The following LMNA variants were observed in gnomAD, a reference collection of about 807,000 sequenced individuals.
LMNA encodes the protein lamin A/C.
In LMNA, 20 loss-of-function variants were observed where a neutral mutation model predicts 70.4. The ratio of observed to expected loss-of-function variants is 0.28; its 90% confidence interval spans 0.20 to 0.41. LMNA has a LOEUF of 0.41. Ranked by LOEUF, LMNA falls within the 10% of genes least tolerant of loss-of-function variation. The pLI, the probability that LMNA is intolerant of heterozygous loss-of-function variation, is 1.00. For missense variants in LMNA, 652 were observed against 917.2 expected (o/e 0.71, Z 3.73); for synonymous variants, 339 against 372.8 (o/e 0.91, Z 1.04).
rs1651773292 is a variant in LMNA at position 156,137,609 on chromosome 1, C to T, written c.1609-45C>T. Reference sequence around the variant, plus strand: ...ACTGGGGTAGACATGCTGTACAACCCTTCCCTGGCCCTGACCCTTGGACCT... The same window carrying T: ...ACTGGGGTAGACATGCTGTACAACCTTTCCCTGGCCCTGACCCTTGGACCT... On this transcript the variant is annotated intron_variant, in intron 9 of 11. Coordinates refer to ENST00000368300, the MANE Select transcript of LMNA (RefSeq NM_170707.4). The surrounding 1 kb of genome is among the most constrained non-coding windows in gnomAD (Gnocchi z 4.6). The T allele has an allele frequency of 1.3e-6, 2 of 1,523,650 alleles. No individual in the cohort carries two copies. The highest frequency in any genetic ancestry group is 1.8e-6 in the Non-Finnish European group (2 of 1,122,734). 94.4% of individuals were successfully genotyped at this position (1,523,650 alleles called of 1,614,324 possible).
chr1:156,108,029 A>G (rs1173984231), intron 3 of LMNA, among the ~76,000 whole-genome samples: 3 of 152,022 alleles, frequency 2.0e-5, no homozygotes, highest in African/African-American at 7.2e-5. Context: ...AGCCTCCCAA[A>G]ATGCTGAGAT....
At chr1:156,119,398 G>A (rs1022296519) in intron 1 of LMNA, among the ~76,000 whole-genome samples, 13 of 152,152 alleles carry the variant, frequency 8.5e-5, no homozygotes, top group Non-Finnish European at 1.6e-4. Flanking sequence ...TTACAGGTGT[G>A]AGCCACCGTA....
rs1651374414 is a variant in LMNA at position 156,134,650 on chromosome 1, G to A, written c.639+122G>A. ...CTGAGTCCCTTGCCCTAGTGGACAG[G>A]GAGTTGGGGGTGGCCAGCACTCAGC... is the stretch of plus-strand genomic sequence containing the variant. On this transcript the variant is annotated intron_variant, in intron 3 of 11. Transcript: ENST00000368300. This position sits in a 1 kb window ranked among gnomAD's most constrained non-coding sequence, Gnocchi z 5.3. 2.6e-6 allele frequency: 4 copies of A among 1,544,600 alleles called. No individual in the cohort carries two copies. In the South Asian group the frequency reaches 4.5e-5, roughly 17 times the overall value.
At chr1:156,124,157 C>T (rs944321048) in intron 1 of LMNA, among the ~76,000 whole-genome samples, 4 of 152,202 alleles carry the variant, frequency 2.6e-5, no homozygotes, top group African/African-American at 4.8e-5. Context: ...GTGAGGGAGT[C>T]GGGGTGTTTC....
chr1:156,084,328 C>CGGGGGGGGGGG (rs60777722), intron 2 of LMNA, among the ~76,000 whole-genome samples: 6 of 91,012 alleles, frequency 6.6e-5, no homozygotes, highest in African/African-American at 1.1e-4. Context: ...CTCAGAAGGT[C>CGGGGGGGGGGG]GGGGGGTGGT....
At chr1:156,122,104 C>CA (rs991526081) in intron 1 of LMNA, among the ~76,000 whole-genome samples, 1 of 151,864 alleles carries the variant, frequency 6.6e-6, no homozygotes, top group Non-Finnish European at 1.5e-5. Context: ...GATTCCGTCT[C>CA]AAAAAAATAA....
At chr1:156,087,531 G>A (rs1193249750) in intron 2 of LMNA, among the ~76,000 whole-genome samples, 2 of 148,614 alleles carry the variant, frequency 1.3e-5, no homozygotes, top group African/African-American at 5.0e-5. Flanking sequence ...GTGAGCCATC[G>A]CGCCCGGCTC....
intron 2 of LMNA, among the ~76,000 whole-genome samples, chr1:156,133,440 C>A (rs908939965): frequency 2.0e-5 from 3 of 151,662 alleles, no homozygotes; most frequent in Non-Finnish European, 4.4e-5. Flanking sequence ...GTGTGGTGGC[C>A]CATGTCTGTA....
At chr1:156,106,474 G>T (rs1490772997) in intron 3 of LMNA, among the ~76,000 whole-genome samples, 9 of 152,208 alleles carry the variant, frequency 5.9e-5, no homozygotes, top group Admixed American at 5.9e-4. Context: ...CCGCCCACAC[G>T]CAGTCGCCTG....
intron 1 of LMNA, among the ~76,000 whole-genome samples, chr1:156,116,594 TG>T (rs1649842292): frequency 6.6e-6 from 1 of 152,190 alleles, no homozygotes; most frequent in African/African-American, 2.4e-5. Context: ...TTGCTAGGTG[TG>T]GTTTTGTTGC....
chr1:156,137,318 G>A lies in LMNA; in HGVS notation c.1608+86G>A. The A allele has an allele frequency of 6.6e-7, 1 of 1,507,986 alleles. No homozygotes were observed. Among genetic ancestry groups the A allele is most frequent in the Non-Finnish European group, 8.9e-7 (1 of 1,122,340 alleles). 93.4% of individuals were successfully genotyped at this position (1,507,986 alleles called of 1,614,324 possible). ...AGCCAGCTGCCCCCAACCCAAGTTTGCCAATTCAGGGCCCCTTTCTAGAGC... is the reference window on the plus strand; with the variant it reads ...AGCCAGCTGCCCCCAACCCAAGTTTACCAATTCAGGGCCCCTTTCTAGAGC... On this transcript the variant is annotated intron_variant, in intron 9 of 11. Coordinates refer to ENST00000368300, the MANE Select transcript of LMNA (RefSeq NM_170707.4). This position sits in a 1 kb window ranked among gnomAD's most constrained non-coding sequence, Gnocchi z 4.6.
upstream of LMNA, among the ~76,000 whole-genome samples, chr1:156,112,720 G>T (rs946927308): frequency 1.7e-4 from 26 of 152,274 alleles, no homozygotes; most frequent in African/African-American, 6.3e-4. Context: ...TCACTGAGAT[G>T]AGAACTTTCC....
Position 156,135,955 on chromosome 1 carries a change from C to T in LMNA, c.991C>T (p.Arg331Trp), listed in dbSNP as rs879253898. ...RDLEDSLARE[R>W]DTSRRLLAEK... is the part of the protein sequence containing the mutation. Reference sequence around the variant, plus strand: ...CCTGGAGGACTCACTGGCCCGTGAGCGGGACACCAGCCGGCGGCTGCTGGC... The same window carrying T: ...CCTGGAGGACTCACTGGCCCGTGAGTGGGACACCAGCCGGCGGCTGCTGGC... The change falls in exon 6 of 12, where the codon CGG becomes TGG. Residue 331 changes from arginine (R) to tryptophan (W), a missense_variant. By Grantham distance (101) the Arg-to-Trp change is moderately radical. Around this residue, in one of 4 missense-constraint regions of LMNA, gnomAD observed 38 missense variants for 32.5 expected, o/e 1.17. Transcript: ENST00000368300. This position sits in a 1 kb window ranked among gnomAD's most constrained non-coding sequence, Gnocchi z 4.8. 4.3e-6 allele frequency: 7 copies of T among 1,613,738 alleles called. No individual in the cohort carries two copies. The highest frequency in any genetic ancestry group is 2.2e-5 in the East Asian group (1 of 44,890).
At chr1:156,084,160 A>G (rs2102783007) in intron 2 of LMNA, among the ~76,000 whole-genome samples, 1 of 152,308 alleles carries the variant, frequency 6.6e-6, no homozygotes, top group East Asian at 1.9e-4. Context: ...TTTGTAAGAT[A>G]AAGTCCTGCT....
At chr1:156,085,554 C>T (rs552671368) in intron 2 of LMNA, among the ~76,000 whole-genome samples, 20 of 152,304 alleles carry the variant, frequency 1.3e-4, no homozygotes, top group Admixed American at 3.9e-4. Flanking sequence ...ATCATGGTCC[C>T]CAACCCTAGC....
intron 2 of LMNA, among the ~76,000 whole-genome samples, chr1:156,133,497 G>A (rs1320790802): frequency 1.3e-5 from 2 of 151,990 alleles, no homozygotes; most frequent in Non-Finnish European, 2.9e-5. Context: ...CATGAACCTG[G>A]GAGGCAGAGC....
rs573102211 is a variant in LMNA at position 156,105,439 on chromosome 1, G to A, written c.-206-9274G>A. On this transcript the variant is annotated intron_variant, in intron 3 of 12. Transcript: ENST00000368301. ...GGCAGCCCCCCTCCCCACTCCTCCTGAGAGTGCCCCTTGCTCCACCCCAGC... is the reference window on the plus strand; with the variant it reads ...GGCAGCCCCCCTCCCCACTCCTCCTAAGAGTGCCCCTTGCTCCACCCCAGC... 7.9e-5 allele frequency among the ~76,000 whole-genome samples: 12 copies of A among 152,136 alleles called. 1 individual carries two copies. The South Asian group carries it at 1.5e-3, about 18-fold the overall frequency.
intron 1 of LMNA, among the ~76,000 whole-genome samples, chr1:156,121,849 T>C (rs1005121399): frequency 6.6e-6 from 1 of 152,110 alleles, no homozygotes; most frequent in African/African-American, 2.4e-5. Context: ...CAGGGTCTCT[T>C]ATCCCTCAAT....
rs267607598 is a variant in LMNA, at chr1:156,136,414, G to A, written c.1358G>A (p.Arg453Gln). Reference sequence around the variant, plus strand: ...GTGGATGAGGAGGGCAAGTTTGTCCGGCTGCGCAACAAGTCCAATGAGGTA... The same window carrying A: ...GTGGATGAGGAGGGCAAGTTTGTCCAGCTGCGCAACAAGTCCAATGAGGTA... ...EEVDEEGKFVRLRNKSNEDQS... is the reference protein window; with the variant it reads ...EEVDEEGKFVQLRNKSNEDQS... Residue 453 changes from arginine to glutamine, a missense_variant, in exon 7 of 12, where the codon CGG becomes CAG. Transcript: ENST00000368300. This position sits in a 1 kb window ranked among gnomAD's most constrained non-coding sequence, Gnocchi z 6.1. 18 of 1,593,104 alleles carry A rather than the reference G, an allele frequency of 1.1e-5. No individual in the cohort carries two copies. The highest frequency in any genetic ancestry group is 4.6e-5 in the East Asian group (2 of 43,698).
Sources: allele counts gnomAD v4.1 joint callset (sites outside exome capture counted in the v4.1 genomes callset), GRCh38; gene constraint gnomAD v4.1.1; regional missense constraint gnomAD v4.1.1; non-coding constraint Gnocchi (gnomAD v3.1); transcripts MANE v1.5; gene names NCBI Gene and HGNC (gene_info 2026-07-23, HGNC 2026-07-21).